The following CCDC12 variants were observed in gnomAD, a reference collection of about 807,000 sequenced individuals.
CCDC12 encodes coiled-coil domain containing 12, also known as coiled-coil domain-containing protein 12.
CCDC12 carries 28 observed loss-of-function variants against 25.7 expected under a neutral mutation model. That is an observed-to-expected ratio of 1.09 (90% CI 0.81 to 1.50). The LOEUF is 1.50. Ranked by LOEUF, CCDC12 falls within the 40% of genes most tolerant of loss-of-function variation. The pLI is 0.00. For synonymous variants in CCDC12, 75 were observed against 87.7 expected (o/e 0.86, Z 0.81); for missense variants, 198 against 210.0 (o/e 0.94, Z 0.35).
At chr3:46,981,366 A>G (rs1425905013), upstream of CCDC12, among the ~76,000 whole-genome samples, 2 of 151,980 alleles carry the variant, frequency 1.3e-5, no homozygotes, top group East Asian at 1.9e-4. Flanking sequence ...CGCTTGAACC[A>G]GGGAGGCAGA....
At chr3:46,945,159 C>T (rs970175019) in intron 1 of CCDC12, among the ~76,000 whole-genome samples, 1 of 152,224 alleles carries the variant, frequency 6.6e-6, no homozygotes, top group Non-Finnish European at 1.5e-5. Context: ...CTACCCCTTC[C>T]CTTCAAGAAC....
upstream of CCDC12, among the ~76,000 whole-genome samples, chr3:46,980,193 A>G (rs2035223003): frequency 1.3e-5 from 2 of 152,188 alleles, no homozygotes; most frequent in Non-Finnish European, 1.5e-5. Flanking sequence ...TTCTTGCTAG[A>G]GGAGAGTGGC....
intron 1 of CCDC12, among the ~76,000 whole-genome samples, chr3:46,964,247 C>G (rs1234605409): frequency 6.6e-6 from 1 of 150,444 alleles, no homozygotes; most frequent in Non-Finnish European, 1.5e-5. Context: ...AAGTGAGGAG[C>G]CCCTCCGCCC....
chr3:46,976,006 C>G (rs1219826302), intron 1 of CCDC12: 2 of 152,334 alleles, frequency 1.3e-5, no homozygotes, highest in Non-Finnish European at 2.9e-5. Context: ...CCACCACGCC[C>G]GGCTAATTTT....
chr3:46,955,390 C>G (rs2034258548), intron 1 of CCDC12, among the ~76,000 whole-genome samples: 1 of 152,142 alleles, frequency 6.6e-6, no homozygotes, highest in South Asian at 2.1e-4. Context: ...GAGAAGCAGA[C>G]AGTGAACAGA....
At chr3:46,936,178 A>G (rs1417034855) in intron 2 of CCDC12, among the ~76,000 whole-genome samples, 3 of 152,218 alleles carry the variant, frequency 2.0e-5, no homozygotes, top group Non-Finnish European at 4.4e-5. Context: ...CTGCAAAATG[A>G]GACCACTCAG....
chr3:46,977,773 G>C (rs528135357), upstream of CCDC12, among the ~76,000 whole-genome samples: 5 of 152,296 alleles, frequency 3.3e-5, no homozygotes, highest in Admixed American at 3.3e-4. Flanking sequence ...ACCCCAACCT[G>C]GGTCCAGTGG....
At chr3:46,933,664 G>A (rs989988689) in intron 2 of CCDC12, among the ~76,000 whole-genome samples, 1 of 152,216 alleles carries the variant, frequency 6.6e-6, no homozygotes, top group Non-Finnish European at 1.5e-5. Context: ...CCCATAGCTA[G>A]TGGGTACTTA....
At position 46,925,545 on chromosome 3, in the gene CCDC12, T is replaced by C; in HGVS notation, c.165-10A>G. 1.9e-6 allele frequency: 3 copies of C among 1,559,528 alleles called. No homozygotes were observed. The highest frequency in any genetic ancestry group is 2.6e-6 in the Non-Finnish European group (3 of 1,147,096). ...CCGCAGCCTAAGTTCCCTGCAAGAA[T>C]AGAGGGAACAAGCAGAGATGAAGTC... is the stretch of plus-strand genomic sequence containing the variant. On this transcript the variant is annotated splice_polypyrimidine_tract_variant and intron_variant, in intron 2 of 6. Transcript: ENST00000683445.
At chr3:46,979,846 G>A (rs1559573741), upstream of CCDC12, 4 of 446,492 alleles carry the variant, frequency 9.0e-6, no homozygotes, top group Admixed American at 3.9e-5. Flanking sequence ...CAGCAGGGCC[G>A]GAGCCGGGCC....
chr3:46,963,824 C>A (rs934031865), intron 1 of CCDC12, among the ~76,000 whole-genome samples: 1 of 152,258 alleles, frequency 6.6e-6, no homozygotes, highest in East Asian at 1.9e-4. Context: ...ACCTCCCAGC[C>A]GCCTGCCTTG....
At chr3:46,980,751 G>A (rs185039166), upstream of CCDC12, among the ~76,000 whole-genome samples, 18 of 152,246 alleles carry the variant, frequency 1.2e-4, no homozygotes, top group Middle Eastern at 3.4e-3. Context: ...CACTCACACC[G>A]TCTCACACAC....
chr3:46,925,775 G>A (rs925938638), intron 2 of CCDC12, among the ~76,000 whole-genome samples: 3 of 152,202 alleles, frequency 2.0e-5, no homozygotes, highest in Admixed American at 6.5e-5. Flanking sequence ...GTTGGAGTAC[G>A]GTTCTCTTCC....
At chr3:46,943,149 G>A (rs1398137171) in intron 1 of CCDC12, among the ~76,000 whole-genome samples, 1 of 152,176 alleles carries the variant, frequency 6.6e-6, no homozygotes, top group Non-Finnish European at 1.5e-5. Flanking sequence ...TGGCCAAAGA[G>A]GGAAGGGAGA....
chr3:46,969,084 C>A (rs2034722464), intron 1 of CCDC12, among the ~76,000 whole-genome samples: 1 of 152,192 alleles, frequency 6.6e-6, no homozygotes, highest in African/African-American at 2.4e-5. Context: ...GAGGCAACTT[C>A]TTGAGACATG....
intron 1 of CCDC12, among the ~76,000 whole-genome samples, chr3:46,974,456 G>C (rs1485517084): frequency 6.6e-6 from 1 of 152,178 alleles, no homozygotes; most frequent in Non-Finnish European, 1.5e-5. Context: ...GTTGCATTCC[G>C]ACCTCAAACC....
At chr3:46,976,338 G>A (rs2034988242) in intron 1 of CCDC12, 1 of 1,322,440 alleles carries the variant, frequency 7.6e-7, no homozygotes, top group Non-Finnish European at 9.7e-7. Flanking sequence ...CCTACAGGCA[G>A]CCCTAGATAC....
At chr3:46,952,250 T>C (rs1456205087) in intron 1 of CCDC12, among the ~76,000 whole-genome samples, 1 of 152,184 alleles carries the variant, frequency 6.6e-6, no homozygotes, top group Admixed American at 6.5e-5. Context: ...CTTCCCATGT[T>C]ACAGGAACTT....
At chr3:46,957,994 C>CAT (rs1432459602) in intron 1 of CCDC12, among the ~76,000 whole-genome samples, 82 of 147,188 alleles carry the variant, frequency 5.6e-4, no homozygotes, top group African/African-American at 1.8e-3. Flanking sequence ...CACACACACA[C>CAT]ACATATATAT....
Sources: gnomAD v4.1 joint callset for allele counts (sites outside exome capture counted in the v4.1 genomes callset) on GRCh38, gnomAD v4.1.1 for gene constraint, MANE v1.5 for transcripts, NCBI Gene and HGNC (gene_info 2026-07-23, HGNC 2026-07-21) for gene names.